TMEM132D: variants seen among roughly 807,000 people sequenced by gnomAD.
TMEM132D encodes transmembrane protein 132D.
In TMEM132D, 21 loss-of-function variants were observed where a neutral mutation model predicts 62.3. The observed-to-expected ratio is 0.34, with a 90% confidence interval of 0.24 to 0.49. The LOEUF is 0.49. Among genes scored for constraint, TMEM132D ranks in the 20% least tolerant of loss-of-function variants. The pLI is 0.99. For missense variants in TMEM132D, 1,346 were observed against 1,402.8 expected, an observed-to-expected ratio of 0.96 and a Z score of 0.65; for synonymous variants, 621 against 575.6, an observed-to-expected ratio of 1.08 and a Z score of -1.13.
At chr12:129,636,486 A>G (rs1879479873) in intron 2 of TMEM132D, among the ~76,000 whole-genome samples, 1 of 152,176 alleles carries the variant, frequency 6.6e-6, no homozygotes, top group Admixed American at 6.5e-5. Context: ...AGGCCTGTCC[A>G]GAACCTGCTT....
chr12:129,083,507 G>C (rs530119070), intron 6 of TMEM132D, among the ~76,000 whole-genome samples: 12 of 152,222 alleles, frequency 7.9e-5, no homozygotes, highest in Non-Finnish European at 1.8e-4. Context: ...CTCAATACCA[G>C]AAACCCCAGA....
At chr12:129,843,657 T>C (rs1373080918) in intron 1 of TMEM132D, among the ~76,000 whole-genome samples, 1 of 152,200 alleles carries the variant, frequency 6.6e-6, no homozygotes, top group African/African-American at 2.4e-5. Context: ...TATTAGAGTC[T>C]ATAATACAAA....
chr12:129,872,877 G>T (rs1219530194), intron 1 of TMEM132D, among the ~76,000 whole-genome samples: 1 of 152,180 alleles, frequency 6.6e-6, no homozygotes, highest in Non-Finnish European at 1.5e-5. Context: ...CAAGAGATTG[G>T]AAATGATGCT....
intron 2 of TMEM132D, among the ~76,000 whole-genome samples, chr12:129,645,947 C>G (rs1232590468): frequency 6.6e-6 from 1 of 152,164 alleles, no homozygotes; most frequent in Non-Finnish European, 1.5e-5. Flanking sequence ...CCCCTCCCTC[C>G]CCCAGAAAAC....
intron 1 of TMEM132D, among the ~76,000 whole-genome samples, chr12:129,735,064 G>A (rs868354437): frequency 6.6e-6 from 1 of 151,770 alleles, no homozygotes; most frequent in African/African-American, 2.4e-5. Flanking sequence ...AGGCCAGAAA[G>A]ATTTGAAAGT....
At chr12:129,238,164 T>C (rs1879834554) in intron 4 of TMEM132D, among the ~76,000 whole-genome samples, 1 of 152,168 alleles carries the variant, frequency 6.6e-6, no homozygotes, top group African/African-American at 2.4e-5. Context: ...TAATGGGCAC[T>C]ACAGGTGGAT....
chr12:129,658,119 T>C (rs1473064049), intron 2 of TMEM132D, among the ~76,000 whole-genome samples: 1 of 152,146 alleles, frequency 6.6e-6, no homozygotes, highest in Non-Finnish European at 1.5e-5. Context: ...GAGGTGACAT[T>C]TGAAATGGGA....
At chr12:129,118,308 G>A (rs916102384) in intron 5 of TMEM132D, among the ~76,000 whole-genome samples, 17 of 152,330 alleles carry the variant, frequency 1.1e-4, no homozygotes, top group African/African-American at 3.8e-4. Flanking sequence ...GTGGTGCTTT[G>A]AGTTATTATG....
chr12:129,324,333 C>A (rs546632513), intron 4 of TMEM132D, among the ~76,000 whole-genome samples: 2 of 152,318 alleles, frequency 1.3e-5, no homozygotes, highest in East Asian at 3.9e-4. Context: ...TCTGCATAAA[C>A]CAGTTTGGTT....
intron 5 of TMEM132D, among the ~76,000 whole-genome samples, chr12:129,104,329 G>T (rs1205970908): frequency 6.6e-6 from 1 of 151,656 alleles, no homozygotes; most frequent in Admixed American, 6.6e-5. Flanking sequence ...TGGGAAAACT[G>T]GCTAGCCATA....
intron 1 of TMEM132D, among the ~76,000 whole-genome samples, chr12:129,875,226 C>G (rs1165724923): frequency 6.6e-6 from 1 of 152,192 alleles, no homozygotes; most frequent in Non-Finnish European, 1.5e-5. Flanking sequence ...TGCGCAAGGT[C>G]GTGGCTTAGA....
intron 3 of TMEM132D, among the ~76,000 whole-genome samples, chr12:129,376,584 AG>A (rs1452560473): frequency 6.6e-6 from 1 of 152,204 alleles, no homozygotes; most frequent in Non-Finnish European, 1.5e-5. Context: ...TGAATTTGTA[AG>A]CTTAAGCCCT....
At chr12:129,708,146 G>A (rs1056597773) in intron 1 of TMEM132D, among the ~76,000 whole-genome samples, 2 of 152,144 alleles carry the variant, frequency 1.3e-5, no homozygotes, top group African/African-American at 4.8e-5. Context: ...GAACCCAGGA[G>A]GCAGAGGTTG....
At chr12:129,649,850 T>C (rs1246715891) in intron 2 of TMEM132D, among the ~76,000 whole-genome samples, 1 of 147,410 alleles carries the variant, frequency 6.8e-6, no homozygotes, top group African/African-American at 2.4e-5. Flanking sequence ...ATTTGTATGT[T>C]TGTATATGTG....
At chr12:129,378,220 G>A (rs1870839886) in intron 3 of TMEM132D, among the ~76,000 whole-genome samples, 1 of 152,352 alleles carries the variant, frequency 6.6e-6, no homozygotes, top group Admixed American at 6.5e-5. Context: ...AAGATGAGAA[G>A]ATGTTTCACT....
At chr12:129,623,244 A>T (rs556785787) in intron 2 of TMEM132D, among the ~76,000 whole-genome samples, 1 of 152,264 alleles carries the variant, frequency 6.6e-6, no homozygotes, top group East Asian at 1.9e-4. Context: ...ACTTTTTGTT[A>T]CTGTGTTGTT....
At position 129,075,211 on chromosome 12, in the gene TMEM132D, A is replaced by AAGAGT. The variant is rs1481443970; in HGVS notation, c.2116-157_2116-153dup. 1.9e-5 allele frequency: 12 copies of AAGAGT among 644,616 alleles called. No homozygotes were observed. In the East Asian group the frequency reaches 2.5e-4, roughly 14 times the overall value. The allele number at this position is 644,616 out of a possible 1,614,324, so 39.9% of individuals were successfully genotyped here. On this transcript the variant is annotated intron_variant, in intron 8 of 8. Coordinates refer to ENST00000422113, the MANE Select transcript of TMEM132D (RefSeq NM_133448.3). ...GTAGAAATAAGCGATAAGAAGTACC[A>AAGAGT]AGAGTATAAAAGAAAATGAATTCTC...
At chr12:129,165,845 A>C (rs1672837087) in intron 5 of TMEM132D, among the ~76,000 whole-genome samples, 1 of 152,214 alleles carries the variant, frequency 6.6e-6, no homozygotes. Context: ...AGTATAGAAA[A>C]AAATAAATCA....
At chr12:129,204,421 T>C (rs896051566) in intron 5 of TMEM132D, among the ~76,000 whole-genome samples, 2 of 152,052 alleles carry the variant, frequency 1.3e-5, no homozygotes, top group South Asian at 2.1e-4. Flanking sequence ...GCTGAAGAAA[T>C]CTCAGAGCTT....
Sources: allele counts gnomAD v4.1 joint callset (sites outside exome capture counted in the v4.1 genomes callset), GRCh38; gene constraint gnomAD v4.1.1; transcripts MANE v1.5; gene names NCBI Gene and HGNC (gene_info 2026-07-23, HGNC 2026-07-21).